RBFOX1: variants seen among roughly 807,000 people sequenced by gnomAD.
The protein encoded by RBFOX1 is RNA binding protein fox-1 homolog 1.
A neutral mutation model predicts 57.7 loss-of-function variants in RBFOX1; 8 were observed. That is an observed-to-expected ratio of 0.14 (90% CI 0.08 to 0.25). RBFOX1 has a LOEUF of 0.25. RBFOX1 is among the 10% of genes least tolerant of loss of function. RBFOX1 has a pLI of 1.00. For synonymous variants in RBFOX1, 326 were observed against 222.4 expected, an observed-to-expected ratio of 1.47 and a Z score of -4.15; for missense variants, 611 against 548.5, an observed-to-expected ratio of 1.11 and a Z score of -1.14.
chr16:5,603,903 C>T (rs1035389537), downstream of RBFOX1, among the ~76,000 whole-genome samples: 1 of 152,162 alleles, frequency 6.6e-6, no homozygotes, highest in Non-Finnish European at 1.5e-5. Flanking sequence ...ATTATTTTTT[C>T]TCTCTTTCTT....
intron 2 of RBFOX1, among the ~76,000 whole-genome samples, chr16:6,473,131 A>T (rs1234209835): frequency 6.6e-6 from 1 of 152,082 alleles, no homozygotes; most frequent in Non-Finnish European, 1.5e-5. Context: ...AACACATGGA[A>T]ATAAAATTTA....
chr16:5,929,243 T>C (rs988729373), intron 4 of RBFOX1, among the ~76,000 whole-genome samples: 2 of 152,132 alleles, frequency 1.3e-5, no homozygotes, highest in Non-Finnish European at 2.9e-5. Flanking sequence ...CTAAGGGGTC[T>C]CTGAGGTTGA....
chr16:6,492,878 T>G (rs2095665333), intron 2 of RBFOX1, among the ~76,000 whole-genome samples: 1 of 152,184 alleles, frequency 6.6e-6, no homozygotes, highest in Non-Finnish European at 1.5e-5. Context: ...AACATACACA[T>G]GCAATTGTTT....
At chr16:6,776,205 A>C (rs1348866419) in intron 3 of RBFOX1, among the ~76,000 whole-genome samples, 1 of 152,094 alleles carries the variant, frequency 6.6e-6, no homozygotes, top group Non-Finnish European at 1.5e-5. Flanking sequence ...AGGTCGGGAG[A>C]TCGAGACCAT....
rs543307750 is a variant in RBFOX1, at chr16:7,711,466, G to C, written c.*721G>C. Reference sequence around the variant, plus strand: ...GCTATTTAGGAAAAAAAACCCACTAGTTAGGCCATCAACAAGCATTCTTTT... The same window carrying C: ...GCTATTTAGGAAAAAAAACCCACTACTTAGGCCATCAACAAGCATTCTTTT... On this transcript the variant is annotated 3_prime_UTR_variant, in exon 16 of 16. Transcript: ENST00000550418. 1.3e-5 allele frequency: 2 copies of C among 152,342 alleles called. No individual in the cohort carries two copies. Among genetic ancestry groups the C allele is most frequent in the South Asian group, 2.1e-4 (1 of 4,820 alleles). 9.4% of individuals were successfully genotyped at this position (152,342 alleles called of 1,614,324 possible). A position where few individuals can be genotyped will look rare whatever the true frequency, so the allele number is the denominator to read the frequency against.
chr16:7,486,018 T>A (rs2065265613), intron 4 of RBFOX1, among the ~76,000 whole-genome samples: 2 of 152,138 alleles, frequency 1.3e-5, no homozygotes, highest in South Asian at 4.1e-4. Flanking sequence ...CCTGTCTGGC[T>A]CTTTACAGGA....
chr16:6,212,982 G>A (rs1407014908), intron 1 of RBFOX1, among the ~76,000 whole-genome samples: 3 of 152,162 alleles, frequency 2.0e-5, no homozygotes, highest in Admixed American at 2.0e-4. Context: ...AATAAGTGAA[G>A]TATGTTAATT....
chr16:6,302,241 C>G lies in RBFOX1; in HGVS notation c.-126-14754C>G, dbSNP rs9938135. Among the ~76,000 whole-genome samples, 1,336 of 151,978 alleles carry G rather than the reference C, an allele frequency of 8.8e-3. 27 individuals carry two copies. Among genetic ancestry groups the G allele is most frequent in the African/African-American group, 0.03 (1,250 of 41,458 alleles). On this transcript the variant is annotated intron_variant, in intron 1 of 15. Transcript: ENST00000550418. ...GGTGGCCCCTGAACATTTCGCAAAC[C>G]TTTCATGATCTCACTCCAGTTTTAT...
intron 2 of RBFOX1, among the ~76,000 whole-genome samples, chr16:6,465,848 C>T (rs546226086): frequency 6.9e-6 from 1 of 144,222 alleles, no homozygotes; most frequent in Non-Finnish European, 1.5e-5. Flanking sequence ...ACTGTTACAT[C>T]AATGAAAAAC....
chr16:7,691,649 T>C (rs1044891449), intron 14 of RBFOX1, among the ~76,000 whole-genome samples: 1 of 152,158 alleles, frequency 6.6e-6, no homozygotes, highest in East Asian at 1.9e-4. Context: ...ATTTTAAAAG[T>C]TACCTATTCG....
chr16:6,181,483 G>A, intron 1 of RBFOX1, among the ~76,000 whole-genome samples: 1 of 152,196 alleles, frequency 6.6e-6, no homozygotes, highest in East Asian at 1.9e-4. Flanking sequence ...GCTATTTGGA[G>A]AGAGGAATGT....
At chr16:6,062,622 A>ATAATATATAACATATACATATAT (rs1401785897) in intron 1 of RBFOX1, among the ~76,000 whole-genome samples, 2 of 10,510 alleles carry the variant, frequency 1.9e-4, no homozygotes, top group Non-Finnish European at 6.3e-4. Context: ...ATATATAAAT[A>ATAATATATAACATATACATATAT]TATATAACAT....
In RBFOX1 at chr16:6,772,165, G is replaced by C. The variant is rs1444884994; in HGVS notation, c.-16+117515G>C. Among the ~76,000 whole-genome samples the C allele has an allele frequency of 3.9e-5, 6 of 152,176 alleles. No individual in the cohort carries two copies. In the East Asian group the frequency reaches 9.7e-4, roughly 25 times the overall value. ...TGGTCTGTTGGTGGTTCCGGTGTGG[G>C]CAAAGAGGAATGAATGATTGATGGA... On this transcript the variant is annotated intron_variant, in intron 3 of 15. Coordinates refer to ENST00000550418, the MANE Select transcript of RBFOX1 (RefSeq NM_018723.4).
chr16:6,711,507 G>A (rs1046434821), intron 3 of RBFOX1, among the ~76,000 whole-genome samples: 3 of 152,178 alleles, frequency 2.0e-5, no homozygotes, highest in Non-Finnish European at 2.9e-5. Context: ...TCTTGTGGTA[G>A]AGAGTGAGTT....
chr16:6,159,427 A>T (rs1301872126), intron 1 of RBFOX1, among the ~76,000 whole-genome samples: 1 of 152,126 alleles, frequency 6.6e-6, no homozygotes, highest in African/African-American at 2.4e-5. Context: ...AGTGGTTGGA[A>T]TAGTTGTGAG....
chr16:7,157,526 C>T (rs1447219752), intron 4 of RBFOX1, among the ~76,000 whole-genome samples: 2 of 152,056 alleles, frequency 1.3e-5, no homozygotes, highest in Non-Finnish European at 2.9e-5. Context: ...TATTCAGAAT[C>T]CAGTGAACAC....
intron 1 of RBFOX1, among the ~76,000 whole-genome samples, chr16:6,229,147 C>G (rs1488365156): frequency 4.6e-5 from 7 of 152,070 alleles, no homozygotes; most frequent in Admixed American, 2.0e-4. Flanking sequence ...AATGACATCT[C>G]CTTACCTTTT....
intron 3 of RBFOX1, among the ~76,000 whole-genome samples, chr16:5,617,343 C>T (rs1012810378): frequency 2.0e-5 from 3 of 152,174 alleles, no homozygotes. Flanking sequence ...TACCCATGGT[C>T]CTGAGGTCTT....
chr16:6,716,797 G>C (rs978255587), intron 3 of RBFOX1, among the ~76,000 whole-genome samples: 2 of 152,136 alleles, frequency 1.3e-5, no homozygotes, highest in African/African-American at 4.8e-5. Flanking sequence ...GAAAGTAACA[G>C]GATATAAGTT....
Sources: gnomAD v4.1 joint callset for allele counts (sites outside exome capture counted in the v4.1 genomes callset) on GRCh38, gnomAD v4.1.1 for gene constraint, MANE v1.5 for transcripts, NCBI Gene and HGNC (gene_info 2026-07-23, HGNC 2026-07-21) for gene names.